Variants in ABCC10 observed in about 807,000 individuals in gnomAD.
ABCC10 encodes ATP binding cassette subfamily C member 10, also known as ATP-binding cassette sub-family C member 10.
Under a neutral mutation model 143.2 loss-of-function variants are expected in ABCC10, and 110 were observed. That is an observed-to-expected ratio of 0.77 (90% confidence interval 0.66 to 0.90). The LOEUF is 0.90. ABCC10 is among the 40% of genes least tolerant of loss of function. ABCC10 has a pLI of 0.00. For missense variants in ABCC10, 1,700 were observed against 1,900.5 expected (o/e 0.89, Z 1.96); for synonymous variants, 805 against 846.7 (o/e 0.95, Z 0.85).
chr6:43,435,839 T>C lies in ABCC10; in HGVS notation c.1697T>C (p.Val566Ala). The C allele has an allele frequency of 6.2e-7, 1 of 1,614,208 alleles. No individual in the cohort carries two copies. The highest frequency in any genetic ancestry group is 8.5e-7 in the Non-Finnish European group (1 of 1,180,038). The change falls in exon 5 of 22, where the codon GTG (valine) becomes GCG (alanine). Residue 566 changes from valine (V) to alanine (A), a missense_variant. Coordinates refer to ENST00000372530, the MANE Select transcript of ABCC10 (RefSeq NM_001198934.2). ...WVINGLLEAKVSLDRIQLFLD... is the reference protein window; with the variant it reads ...WVINGLLEAKASLDRIQLFLD... The stretch of plus-strand genomic sequence containing the variant: ...ATCAATGGTCTCCTGGAGGCCAAAG[T>C]GTCCTTGGACCGGATCCAGCTTTTC...
At position 43,447,659 on chromosome 6, in the gene ABCC10, G is replaced by A. The variant is rs750577004; in HGVS notation, c.3706-25G>A. ...CTCCCCTATCTCCCTTTCCCCGTCT[G>A]TCTCCCACCCATGGACCCCACCAGC... On this transcript the variant is annotated intron_variant, in intron 17 of 21. Transcript: ENST00000372530. 36 of 1,612,792 alleles carry A rather than the reference G, an allele frequency of 2.2e-5. No individual in the cohort carries two copies. The Middle Eastern group carries it at 4.9e-4, about 22-fold the overall frequency.
At chr6:43,446,617 C>G (rs935441326) in intron 16 of ABCC10, 171 bp downstream of exon 16, 9 of 985,218 alleles carry the variant, frequency 9.1e-6, no homozygotes, top group Non-Finnish European at 1.1e-5. Flanking sequence ...AGACAATCCC[C>G]AGGAGGGACT....
intron 9 of ABCC10, among the ~76,000 whole-genome samples, chr6:43,442,589 G>T (rs1782589698): frequency 1.3e-5 from 2 of 152,068 alleles, no homozygotes; most frequent in Non-Finnish European, 2.9e-5. Flanking sequence ...ATTTAGCTGG[G>T]CTTGATAGCA....
At position 43,447,670 on chromosome 6, in the gene ABCC10, A is replaced by G; in HGVS notation, c.3706-14A>G. ...CCCTTTCCCCGTCTGTCTCCCACCC[A>G]TGGACCCCACCAGCTGGGCACCGGC... On this transcript the variant is annotated splice_polypyrimidine_tract_variant and intron_variant, in intron 17 of 21. Transcript: ENST00000372530. 6.2e-7 allele frequency: 1 copy of G among 1,613,164 alleles called. No homozygotes were observed.
At chr6:43,428,541 A>G (rs1780747183) in intron 2 of ABCC10, among the ~76,000 whole-genome samples, 1 of 152,212 alleles carries the variant, frequency 6.6e-6, no homozygotes. Flanking sequence ...GTTTCTCACC[A>G]CTGCAACCCA....
At chr6:43,427,917 G>A in intron 1 of ABCC10, 51 bp from the exon 2 acceptor site, 1 of 1,600,102 alleles carries the variant, frequency 6.2e-7, no homozygotes, top group Non-Finnish European at 8.6e-7. Context: ...GGAAGTGCAG[G>A]CAAAGCCGGC....
chr6:43,431,794 ATT>A, intron 2 of ABCC10: 2 of 1,092,276 alleles, frequency 1.8e-6, no homozygotes, highest in Non-Finnish European at 1.1e-6. Context: ...AGTACCCAGG[ATT>A]TTTTTTTTCC....
At chr6:43,428,185 A>T (rs1489974469) in intron 2 of ABCC10, 46 bp downstream of exon 2, 4 of 1,471,966 alleles carry the variant, frequency 2.7e-6, no homozygotes, top group Non-Finnish European at 2.7e-6. Context: ...GTGCCTGCAG[A>T]TCTCACCCGC....
chr6:43,432,432 T>A lies in ABCC10; in HGVS notation c.452T>A (p.Val151Glu). ...CCAGCTCCAGCCCTAGTGCTGACCG[T>A]GTTGTGGCATTGCCAGCGAGGCACA... is the stretch of plus-strand genomic sequence containing the variant. The part of the protein sequence containing the change: ...LLPAPALVLT[V>E]LWHCQRGTLL... Residue 151 changes from valine to glutamate, a missense_variant, in exon 3 of 22, where the codon GTG becomes GAG. Physicochemically the swap from Val to Glu is moderately radical, Grantham distance 121. Coordinates refer to ENST00000372530, the MANE Select transcript of ABCC10 (RefSeq NM_001198934.2). 1.9e-6 allele frequency: 3 copies of A among 1,611,852 alleles called. No homozygotes were observed. The highest frequency in any genetic ancestry group is 2.5e-6 in the Non-Finnish European group (3 of 1,180,002).
At position 43,431,163 on chromosome 6, in the gene ABCC10, C is replaced by T. The variant is rs565106652; in HGVS notation, c.162-979C>T. ...TCGCAAAAGCAATCCACACCACCTT[C>T]TATAATCAGTGGAAAGAGAGTAGAA... On this transcript the variant is annotated intron_variant, in intron 2 of 21. Coordinates refer to ENST00000372530, the MANE Select transcript of ABCC10 (RefSeq NM_001198934.2). Among the ~76,000 whole-genome samples, 3 of 152,256 alleles carry T rather than the reference C, an allele frequency of 2.0e-5. No individual in the cohort carries two copies. The East Asian group carries it at 5.8e-4, about 29-fold the overall frequency.
At chr6:43,427,868 C>G (rs1348203332) in intron 1 of ABCC10, 100 bp from the exon 2 acceptor site, 7 of 1,400,696 alleles carry the variant, frequency 5.0e-6, no homozygotes, top group South Asian at 1.2e-5. Flanking sequence ...CGGGCGGTCC[C>G]GGTTCCAGGG....
intron 8 of ABCC10, among the ~76,000 whole-genome samples, chr6:43,440,323 G>A (rs766125658): frequency 5.3e-5 from 8 of 152,156 alleles, no homozygotes; most frequent in Non-Finnish European, 1.0e-4. Flanking sequence ...TCAGGAATGG[G>A]CTACTAAGCA....
Position 43,447,320 on chromosome 6 carries a change from CACAG to C in ABCC10, c.3623_3626del (p.Thr1208ArgfsTer5), listed in dbSNP as rs746070362. 1.3e-5 allele frequency: 21 copies of C among 1,613,584 alleles called. No individual in the cohort carries two copies. Among genetic ancestry groups the C allele is most frequent in the Non-Finnish European group, 1.8e-5 (21 of 1,180,028 alleles). Reference sequence around the variant, plus strand: ...CTCTCGGGCCTGGTGAGCAGCTTCACACAGACAGAGGCCATGCTGGTGAGCGTCG... The same window carrying C: ...CTCTCGGGCCTGGTGAGCAGCTTCACACAGAGGCCATGCTGGTGAGCGTCG... On this transcript the variant is annotated frameshift_variant, in exon 17 of 22. Coordinates refer to ENST00000372530, the MANE Select transcript of ABCC10 (RefSeq NM_001198934.2). LOFTEE classifies it high-confidence loss of function.
chr6:43,444,462 C>T, intron 12 of ABCC10, 109 bp downstream of exon 12: 1 of 1,318,622 alleles, frequency 7.6e-7, no homozygotes. Flanking sequence ...GCATGGGTCA[C>T]AGCTGGGACA....
At position 43,442,099 on chromosome 6, in the gene ABCC10, T is replaced by C. The variant is rs75708384; in HGVS notation, c.2226+139T>C. 6.4e-4 allele frequency: 429 copies of C among 668,232 alleles called. 1 individual carries two copies. In the African/African-American group the frequency reaches 6.8e-3, roughly 11 times the overall value. 41.4% of individuals were successfully genotyped at this position (668,232 alleles called of 1,614,324 possible). On this transcript the variant is annotated intron_variant, in intron 9 of 21. Transcript: ENST00000372530. ...TCCTCCCTTGCATGTTCCTGAGGTATTGGCCATCTCATCCCCTTTTGCAGA... is the reference window on the plus strand; with the variant it reads ...TCCTCCCTTGCATGTTCCTGAGGTACTGGCCATCTCATCCCCTTTTGCAGA...
rs752650051 is a variant in ABCC10 at position 43,447,924 on chromosome 6, C to G, written c.3946C>G (p.Leu1316Val). The G allele has an allele frequency of 1.9e-6, 3 of 1,613,152 alleles. No individual in the cohort carries two copies. The East Asian group carries it at 6.7e-5, about 36-fold the overall frequency. The change falls in exon 18 of 22, where the codon CTG becomes GTG. Residue 1316 changes from leucine (L) to valine (V), a missense_variant. Leu to Val is a conservative substitution (Grantham distance 32). Transcript: ENST00000372530. ...LDGVDTSQLE[L>V]AQLRSQLAII... ...CGGCGTGGACACCAGCCAGCTGGAG[C>G]TGGCCCAGCTCAGGTCTGGGGGAGA... is the stretch of plus-strand genomic sequence containing the variant.
rs759995954 is a variant in ABCC10, at chr6:43,449,220, G to A, written c.4203+16G>A. ...AGATGCCAAGGTAAGGTGAGAGAAA[G>A]AGACATTAGAGAGGGCCAGGAAGAA... On this transcript the variant is annotated intron_variant, in intron 20 of 21. Coordinates refer to ENST00000372530, the MANE Select transcript of ABCC10 (RefSeq NM_001198934.2). The A allele has an allele frequency of 4.3e-6, 7 of 1,612,748 alleles. No individual in the cohort carries two copies. Among genetic ancestry groups the A allele is most frequent in the Middle Eastern group, 1.6e-4 (1 of 6,072 alleles).
At chr6:43,442,114 C>G in intron 9 of ABCC10, 154 bp downstream of exon 9, 2 of 605,280 alleles carry the variant, frequency 3.3e-6, no homozygotes, top group South Asian at 2.0e-5. Context: ...CATCTCATCC[C>G]CTTTTGCAGA....
chr6:43,438,256 C>T, intron 7 of ABCC10: 1 of 1,075,098 alleles, frequency 9.3e-7, no homozygotes, highest in Non-Finnish European at 1.3e-6. Flanking sequence ...CATCCAGTGT[C>T]AGCTATTCTT....
Sources: allele counts gnomAD v4.1 joint callset (sites outside exome capture counted in the v4.1 genomes callset), GRCh38; gene constraint gnomAD v4.1.1; transcripts MANE v1.5; gene names NCBI Gene and HGNC (gene_info 2026-07-23, HGNC 2026-07-21).